RGS6: variants seen among roughly 807,000 people sequenced by gnomAD.
RGS6 encodes regulator of G-protein signaling 6.
In RGS6, 30 loss-of-function variants were observed where a neutral mutation model predicts 78.5. The ratio of observed to expected loss-of-function variants is 0.38; its 90% CI spans 0.29 to 0.52. RGS6 has a LOEUF of 0.52. Among genes scored for constraint, RGS6 ranks in the 20% least tolerant of loss-of-function variants. The pLI, the probability that RGS6 is intolerant of heterozygous loss-of-function variation, is 0.85. For missense variants in RGS6, 495 were observed against 609.7 expected, an observed-to-expected ratio of 0.81 and a Z score of 1.98; for synonymous variants, 206 against 206.0, an observed-to-expected ratio of 1.00 and a Z score of 0.00.
At chr14:72,291,224 C>T (rs2063519695) in intron 2 of RGS6, among the ~76,000 whole-genome samples, 1 of 151,988 alleles carries the variant, frequency 6.6e-6, no homozygotes, top group Non-Finnish European at 1.5e-5. Context: ...CATCTGCTTC[C>T]GTGAGCTTCA....
Position 72,531,431 on chromosome 14 carries a change from CAA to C in RGS6, c.1279-4734_1279-4733del, listed in dbSNP as rs58751762. Among the ~76,000 whole-genome samples the C allele has an allele frequency of 7.6e-3, 505 of 66,724 alleles. 1 individual carries two copies. Among genetic ancestry groups the C allele is most frequent in the African/African-American group, 0.02 (400 of 20,462 alleles). The allele number at this position is 66,724 out of a possible 152,430, so 43.8% of individuals were successfully genotyped here. On this transcript the variant is annotated intron_variant, in intron 15 of 17. Coordinates refer to ENST00000553525, the MANE Select transcript of RGS6 (RefSeq NM_001204424.2). ...CCTGAGTGACAGCAAGACTTTATCT[CAA>C]AAAAAAAAAAAAAAAAAAAAGAACC...
intron 2 of RGS6, among the ~76,000 whole-genome samples, chr14:72,104,620 C>G (rs1278711177): frequency 6.6e-6 from 1 of 152,186 alleles, no homozygotes; most frequent in Non-Finnish European, 1.5e-5. Flanking sequence ...CTCAGTTACC[C>G]CACACCTTCT....
At chr14:72,405,719 G>A (rs746183562) in intron 3 of RGS6, among the ~76,000 whole-genome samples, 7 of 152,144 alleles carry the variant, frequency 4.6e-5, no homozygotes, top group Admixed American at 3.3e-4. Context: ...CCAGACTTTT[G>A]GGGAAGTACA....
intron 2 of RGS6, among the ~76,000 whole-genome samples, chr14:72,315,555 C>G (rs1435375055): frequency 1.3e-5 from 2 of 152,136 alleles, no homozygotes; most frequent in East Asian, 1.9e-4. Flanking sequence ...TCTGGGGAAT[C>G]TTTTATTTTT....
chr14:72,199,408 C>A (rs1162849116), intron 2 of RGS6, among the ~76,000 whole-genome samples: 1 of 152,120 alleles, frequency 6.6e-6, no homozygotes, highest in Non-Finnish European at 1.5e-5. Flanking sequence ...TACATTGATG[C>A]AACATTGCAA....
Position 71,982,259 on chromosome 14 carries a change from G to C in RGS6, c.84+17384G>C, listed in dbSNP as rs544156923. 8.6e-5 allele frequency among the ~76,000 whole-genome samples: 13 copies of C among 151,318 alleles called. No individual in the cohort carries two copies. In the South Asian group the frequency reaches 2.3e-3, roughly 27 times the overall value. On this transcript the variant is annotated intron_variant, in intron 2 of 17. Transcript: ENST00000553525. Reference sequence around the variant, plus strand: ...AATCACCCGTCTTCTGCGTCGCTCAGGCTGGGAGCTGTAGACTGGAGCTGT... The same window carrying C: ...AATCACCCGTCTTCTGCGTCGCTCACGCTGGGAGCTGTAGACTGGAGCTGT...
chr14:71,927,849 G>A (rs907236423), upstream of RGS6, among the ~76,000 whole-genome samples: 1 of 151,510 alleles, frequency 6.6e-6, no homozygotes, highest in Non-Finnish European at 1.5e-5. Context: ...TAGTAGAGAC[G>A]GGGTTTCACC....
the RGS6 span, among the ~76,000 whole-genome samples, chr14:72,589,053 T>C: frequency 1.3e-5 from 2 of 152,114 alleles, no homozygotes; most frequent in Admixed American, 1.3e-4. Context: ...GAATAAACCA[T>C]TCATAGAAGA....
intron 3 of RGS6, among the ~76,000 whole-genome samples, chr14:72,408,067 A>T (rs2093084950): frequency 6.6e-6 from 1 of 152,208 alleles, no homozygotes; most frequent in Admixed American, 6.5e-5. Context: ...AGTTGTATTT[A>T]AATCAAGTTT....
intron 3 of RGS6, among the ~76,000 whole-genome samples, chr14:72,387,503 C>T (rs999243016): frequency 2.6e-5 from 4 of 151,210 alleles, no homozygotes; most frequent in Admixed American, 6.6e-5. Context: ...GAGCCGAGAT[C>T]GCACCACTGG....
chr14:71,978,980 G>A (rs1470430259), intron 2 of RGS6, among the ~76,000 whole-genome samples: 224 of 147,336 alleles, frequency 1.5e-3, no homozygotes, highest in Non-Finnish European at 2.5e-3. Context: ...CTTCTTCCTG[G>A]TTTAGTCTTA....
intron 2 of RGS6, among the ~76,000 whole-genome samples, chr14:72,005,276 A>G (rs2084291556): frequency 6.6e-6 from 1 of 152,214 alleles, no homozygotes; most frequent in Non-Finnish European, 1.5e-5. Context: ...CCCCCTGAGT[A>G]TAAGAATTAT....
At chr14:72,429,967 A>G (rs1390381656) in intron 3 of RGS6, among the ~76,000 whole-genome samples, 3 of 152,154 alleles carry the variant, frequency 2.0e-5, no homozygotes, top group Non-Finnish European at 4.4e-5. Flanking sequence ...TGAAGAAGGT[A>G]CCTTGCTTCT....
chr14:72,500,228 G>T (rs747760375), intron 13 of RGS6, among the ~76,000 whole-genome samples: 1 of 152,150 alleles, frequency 6.6e-6, no homozygotes, highest in Non-Finnish European at 1.5e-5. Context: ...TTCTAGCTTC[G>T]ACTCTGAACT....
intron 2 of RGS6, among the ~76,000 whole-genome samples, chr14:72,052,510 T>C (rs2093310995): frequency 6.6e-6 from 1 of 152,154 alleles, no homozygotes; most frequent in African/African-American, 2.4e-5. Context: ...ATCTACTTGT[T>C]TCCAGATGGT....
At chr14:71,920,323 T>A in the RGS6 span, among the ~76,000 whole-genome samples, 1 of 152,200 alleles carries the variant, frequency 6.6e-6, no homozygotes, top group African/African-American at 2.4e-5. Context: ...CACCTTTGTC[T>A]TCACAATCTG....
chr14:72,495,383 A>AAAC (rs1262610703), intron 13 of RGS6, 121 bp downstream of exon 13: 40 of 699,254 alleles, frequency 5.7e-5, no homozygotes, highest in Middle Eastern at 3.2e-4. Flanking sequence ...GAAACCCCTC[A>AAAC]AGTAGCCTCC....
chr14:72,242,843 T>TTTTC (rs2053248967), intron 2 of RGS6, among the ~76,000 whole-genome samples: 1 of 9,628 alleles, frequency 1.0e-4, no homozygotes, highest in African/African-American at 2.6e-4. Flanking sequence ...TCTTTTCTTT[T>TTTTC]TTTTTTTTTT....
chr14:72,007,053 C>T (rs2084708923), intron 2 of RGS6, among the ~76,000 whole-genome samples: 1 of 152,042 alleles, frequency 6.6e-6, no homozygotes, highest in Non-Finnish European at 1.5e-5. Context: ...AAATTAACAA[C>T]ACTGTCACCT....
Sources: allele counts gnomAD v4.1 joint callset (sites outside exome capture counted in the v4.1 genomes callset), GRCh38; gene constraint gnomAD v4.1.1; transcripts MANE v1.5; gene names NCBI Gene and HGNC (gene_info 2026-07-23, HGNC 2026-07-21).